The following HBS1L variants were observed in gnomAD, a reference collection of about 807,000 sequenced individuals.
HBS1L encodes the protein HBS1-like protein.
Under a neutral mutation model 88.9 loss-of-function variants are expected in HBS1L, and 55 were observed. The observed-to-expected ratio is 0.62, with a 90% CI of 0.50 to 0.77. The LOEUF is 0.77. Ranked by LOEUF, HBS1L falls within the 30% of genes least tolerant of loss-of-function variation. The pLI, the probability that HBS1L is intolerant of heterozygous loss-of-function variation, is 0.00. For missense variants in HBS1L, 741 were observed against 829.3 expected (o/e 0.89, Z 1.31); for synonymous variants, 267 against 288.5 (o/e 0.93, Z 0.76).
intron 4 of HBS1L, among the ~76,000 whole-genome samples, chr6:135,009,534 T>A (rs1008982527): frequency 1.3e-5 from 2 of 152,098 alleles, no homozygotes; most frequent in African/African-American, 4.8e-5. Context: ...ATATAAAGTT[T>A]AAAAAAATGG....
rs75286696 is a variant in HBS1L, at chr6:134,965,023, A to G, written c.*256T>C. On this transcript the variant is annotated 3_prime_UTR_variant, in exon 18 of 18. Coordinates refer to ENST00000367837, the MANE Select transcript of HBS1L (RefSeq NM_006620.4). ...ATTTTTGACACTTGCCATAAATCTT[A>G]GCAAAGTAAATCCATTTATTAACGT... 2 of 517,738 alleles carry G rather than the reference A, an allele frequency of 3.9e-6. No individual in the cohort carries two copies. The highest frequency in any genetic ancestry group is 6.8e-6 in the Non-Finnish European group (2 of 292,294). The allele number at this position is 517,738 out of a possible 1,614,324, so 32.1% of individuals were successfully genotyped here.
rs1583154978 is a variant in HBS1L at position 135,042,090 on chromosome 6, G to A, written c.146C>T (p.Ser49Phe). 2 of 1,613,126 alleles carry A rather than the reference G, an allele frequency of 1.2e-6. No homozygotes were observed. The highest frequency in any genetic ancestry group is 1.7e-6 in the Non-Finnish European group (2 of 1,179,498). Reference sequence around the variant, plus strand: ...ATCATATTCTTCCACAGGCTCAACGGAAGGTTTGTCACGCCGTGAATAAAT... The same window carrying A: ...ATCATATTCTTCCACAGGCTCAACGAAAGGTTTGTCACGCCGTGAATAAAT... ...QFIYSRRDKP[S>F]VEPVEEYDYE... Residue 49 changes from serine to phenylalanine, a missense_variant, in exon 3 of 18, where the codon TCC becomes TTC. Around this residue, in one of 3 missense-constraint regions of HBS1L, gnomAD observed 556 missense variants for 598.4 expected, o/e 0.93. Coordinates refer to ENST00000367837, the MANE Select transcript of HBS1L (RefSeq NM_006620.4).
chr6:134,993,921 C>A, intron 7 of HBS1L, 46 bp from the exon 8 acceptor site: 1 of 836,494 alleles, frequency 1.2e-6, no homozygotes, highest in Non-Finnish European at 1.9e-6. Flanking sequence ...ATAAATAGTG[C>A]TATAGAGTAA....
At chr6:135,005,802 C>T (rs917026091) in intron 4 of HBS1L, among the ~76,000 whole-genome samples, 4 of 152,118 alleles carry the variant, frequency 2.6e-5, no homozygotes, top group Admixed American at 6.5e-5. Flanking sequence ...GGCAGCTTTG[C>T]ATGTTTAGGA....
chr6:135,049,112 A>G (rs758810913), intron 2 of HBS1L, among the ~76,000 whole-genome samples: 23 of 152,236 alleles, frequency 1.5e-4, no homozygotes, highest in Non-Finnish European at 2.6e-4. Context: ...TCAGGCTGCT[A>G]TAACAAAATG....
At chr6:135,009,632 T>C (rs569207202) in intron 4 of HBS1L, among the ~76,000 whole-genome samples, 2 of 152,232 alleles carry the variant, frequency 1.3e-5, no homozygotes, top group East Asian at 1.9e-4. Context: ...AGAAGTAGTA[T>C]TACATATTCT....
intron 8 of HBS1L, among the ~76,000 whole-genome samples, chr6:134,988,215 T>G (rs1356303600): frequency 1.3e-5 from 2 of 151,798 alleles, no homozygotes. Context: ...AATACAAAAA[T>G]TAGCCGGGTG....
intron 4 of HBS1L, among the ~76,000 whole-genome samples, chr6:135,017,407 G>A (rs75859875): frequency 1.7e-3 from 259 of 152,206 alleles, no homozygotes; most frequent in Middle Eastern, 6.8e-3. Context: ...ATCCTCAACT[G>A]AATGTAAGAA....
rs1774215972 is a variant in HBS1L, at chr6:134,962,844, G to C, written c.*2435C>G. On this transcript the variant is annotated 3_prime_UTR_variant, in exon 18 of 18. Transcript: ENST00000367837. The stretch of plus-strand genomic sequence containing the variant: ...TCAGAGCATAACCAAGCTTGGGCAT[G>C]TCTGCTTTACCTCTTTGTCACTTAA... 6.6e-6 allele frequency: 1 copy of C among 152,198 alleles called. No homozygotes were observed. Among genetic ancestry groups the C allele is most frequent in the Non-Finnish European group, 1.5e-5 (1 of 68,026 alleles). The allele number at this position is 152,198 out of a possible 1,614,324, so 9.4% of individuals were successfully genotyped here.
chr6:134,970,753 G>A (rs1774459132), intron 15 of HBS1L, among the ~76,000 whole-genome samples: 1 of 152,096 alleles, frequency 6.6e-6, no homozygotes, highest in African/African-American at 2.4e-5. Context: ...CATATAAATG[G>A]AAACTTTCAC....
At position 134,966,572 on chromosome 6, in the gene HBS1L, T is replaced by C. The variant is rs190074035; in HGVS notation, c.1899-99A>G. 1.7e-5 allele frequency: 12 copies of C among 722,206 alleles called. No homozygotes were observed. In the Admixed American group the frequency reaches 3.4e-4, roughly 21 times the overall value. 44.7% of individuals were successfully genotyped at this position (722,206 alleles called of 1,614,324 possible). A position where few individuals can be genotyped will look rare whatever the true frequency, so the allele number is the denominator to read the frequency against. On this transcript the variant is annotated intron_variant, in intron 16 of 17. Coordinates refer to ENST00000367837, the MANE Select transcript of HBS1L (RefSeq NM_006620.4). ...AAATATTTCACATTTAACCAACATA[T>C]CAACTGAGTCTTTCAAAAACAAGAA...
intron 4 of HBS1L, among the ~76,000 whole-genome samples, chr6:135,035,216 G>A (rs981092538): frequency 1.3e-5 from 2 of 152,158 alleles, no homozygotes; most frequent in Non-Finnish European, 2.9e-5. Context: ...ACTTTGGGAG[G>A]CCTAGGCGGT....
At chr6:135,034,595 G>A (rs1008730704) in intron 4 of HBS1L, among the ~76,000 whole-genome samples, 1 of 152,232 alleles carries the variant, frequency 6.6e-6, no homozygotes, top group Non-Finnish European at 1.5e-5. Context: ...AGTGAGCCGA[G>A]ATCATGCCAC....
intron 4 of HBS1L, among the ~76,000 whole-genome samples, chr6:135,007,686 T>C (rs1775651634): frequency 6.6e-6 from 1 of 152,124 alleles, no homozygotes; most frequent in East Asian, 1.9e-4. Context: ...ATAACTAAAA[T>C]AGCAAGTCAT....
intron 5 of HBS1L, among the ~76,000 whole-genome samples, chr6:135,001,791 A>G (rs1372953845): frequency 6.6e-6 from 1 of 152,084 alleles, no homozygotes; most frequent in Non-Finnish European, 1.5e-5. Context: ...TCTTGTTTCT[A>G]TAAAATCCAA....
intron 4 of HBS1L, among the ~76,000 whole-genome samples, chr6:135,018,569 T>C (rs1775986740): frequency 6.6e-6 from 1 of 152,000 alleles, no homozygotes; most frequent in South Asian, 2.1e-4. Flanking sequence ...ATACATGCAA[T>C]GAATTTAAAT....
At chr6:135,002,656 CTCTT>C (rs1775494784) in intron 5 of HBS1L, 74 bp downstream of exon 5, 1 of 759,780 alleles carries the variant, frequency 1.3e-6, no homozygotes, top group Admixed American at 2.2e-5. Context: ...TTGAAACAGT[CTCTT>C]TCTTACAGAA....
rs562783458 is a variant in HBS1L, at chr6:134,979,242, C to G, written c.1624G>C (p.Asp542His). 6.2e-7 allele frequency: 1 copy of G among 1,611,994 alleles called. No homozygotes were observed. Among genetic ancestry groups the G allele is most frequent in the South Asian group, 1.1e-5 (1 of 90,986 alleles). The change falls in exon 14 of 18, where the codon GAC becomes CAC. Residue 542 changes from aspartate to histidine, a missense_variant. Coordinates refer to ENST00000367837, the MANE Select transcript of HBS1L (RefSeq NM_006620.4). ...KGITLHDEPVDWAAAGDHVSL... is the reference protein window; with the variant it reads ...KGITLHDEPVHWAAAGDHVSL... ...ACATGATCGCCTGCTGCCGCCCAGT[C>G]GACAGGTTCATCATGCAGAGTGATT...
intron 12 of HBS1L, among the ~76,000 whole-genome samples, chr6:134,984,307 A>C (rs1315072421): frequency 6.6e-6 from 1 of 152,046 alleles, no homozygotes; most frequent in Non-Finnish European, 1.5e-5. Flanking sequence ...TTTTTTATTC[A>C]TGTGTTAAAT....
Sources: gnomAD v4.1 joint callset for allele counts (sites outside exome capture counted in the v4.1 genomes callset) on GRCh38, gnomAD v4.1.1 for gene constraint, gnomAD v4.1.1 regional missense constraint, MANE v1.5 for transcripts, NCBI Gene and HGNC (gene_info 2026-07-23, HGNC 2026-07-21) for gene names.